PRICKLE1: variants seen among roughly 807,000 people sequenced by gnomAD.
The protein encoded by PRICKLE1 is prickle planar cell polarity protein 1, also known as prickle-like protein 1.
PRICKLE1 carries 14 observed loss-of-function variants against 70.2 expected under a neutral mutation model. The observed-to-expected ratio is 0.20, with a 90% confidence interval of 0.13 to 0.31. The LOEUF (loss-of-function observed/expected upper bound fraction) is 0.31. Ranked by LOEUF, PRICKLE1 falls within the 10% of genes least tolerant of loss-of-function variation. The pLI is 1.00. For missense variants in PRICKLE1, 821 were observed against 1,026.2 expected (o/e 0.80, Z 2.73); for synonymous variants, 357 against 379.9 (o/e 0.94, Z 0.70).
At chr12:42,529,750 G>T (rs1316831725) in intron 1 of PRICKLE1, among the ~76,000 whole-genome samples, 1 of 152,002 alleles carries the variant, frequency 6.6e-6, no homozygotes, top group Non-Finnish European at 1.5e-5. Flanking sequence ...CAAAAAATTA[G>T]CCAGGTATGG....
chr12:42,586,454 T>G (rs1159257071), intron 1 of PRICKLE1, among the ~76,000 whole-genome samples: 1 of 152,082 alleles, frequency 6.6e-6, no homozygotes, highest in Non-Finnish European at 1.5e-5. Flanking sequence ...CTTGAACTCC[T>G]GGGCTCAAGC....
intron 1 of PRICKLE1, among the ~76,000 whole-genome samples, chr12:42,480,804 T>C (rs1417372485): frequency 6.6e-6 from 1 of 152,206 alleles, no homozygotes; most frequent in Non-Finnish European, 1.5e-5. Flanking sequence ...CAATGGTGTC[T>C]GAATCCTATT....
At chr12:42,571,614 G>C (rs1045865162) in intron 1 of PRICKLE1, among the ~76,000 whole-genome samples, 3 of 152,238 alleles carry the variant, frequency 2.0e-5, no homozygotes, top group Middle Eastern at 3.2e-3. Context: ...CCTGATGGAC[G>C]GGAGCTTACG....
At chr12:42,518,832 T>G (rs1024452366) in intron 1 of PRICKLE1, among the ~76,000 whole-genome samples, 10 of 152,188 alleles carry the variant, frequency 6.6e-5, no homozygotes, top group Non-Finnish European at 1.5e-4. Flanking sequence ...AATATCCCTA[T>G]AGCCTTCTGA....
chr12:42,558,484 T>G (rs1940449746), intron 1 of PRICKLE1, among the ~76,000 whole-genome samples: 1 of 152,220 alleles, frequency 6.6e-6, no homozygotes, highest in Admixed American at 6.5e-5. Context: ...ATTCCAGATG[T>G]GAAACTGCCT....
At chr12:42,474,612 T>C (rs1938452759) in intron 1 of PRICKLE1, among the ~76,000 whole-genome samples, 1 of 152,198 alleles carries the variant, frequency 6.6e-6, no homozygotes, top group Admixed American at 6.5e-5. Context: ...TTCCTCTGAC[T>C]CCTCAATAAA....
At chr12:42,574,795 T>C (rs1440090719) in intron 1 of PRICKLE1, among the ~76,000 whole-genome samples, 1 of 152,172 alleles carries the variant, frequency 6.6e-6, no homozygotes, top group African/African-American at 2.4e-5. Flanking sequence ...GAATCATAAG[T>C]TTTGTTGTTG....
In PRICKLE1 at chr12:42,457,907, T is replaced by A. The variant is rs1413519745; in HGVS notation, c.*1902A>T. On this transcript the variant is annotated 3_prime_UTR_variant, in exon 8 of 8. Transcript: ENST00000345127. The stretch of plus-strand genomic sequence containing the variant: ...GATGAAGAATGGAAAGGAGATGCTG[T>A]CTCTGACTTTTGCCCTATTTGAATT... 6.6e-6 allele frequency: 1 copy of A among 152,164 alleles called. No individual in the cohort carries two copies. The highest frequency in any genetic ancestry group is 6.6e-5 in the Admixed American group (1 of 15,188). The allele number at this position is 152,164 out of a possible 1,614,324, so 9.4% of individuals were successfully genotyped here. A position where few individuals can be genotyped will look rare whatever the true frequency, so the allele number is the denominator to read the frequency against.
chr12:42,504,034 T>A (rs116396074), intron 1 of PRICKLE1, among the ~76,000 whole-genome samples: 26,336 of 152,048 alleles, frequency 0.17, 3,007 homozygotes, highest in African/African-American at 0.31. Flanking sequence ...AAAAATCATA[T>A]GTGGATTTTA....
chr12:42,462,664 C>T (rs879564824), intron 7 of PRICKLE1, among the ~76,000 whole-genome samples: 1 of 152,164 alleles, frequency 6.6e-6, no homozygotes, highest in Non-Finnish European at 1.5e-5. Context: ...CTTTGCCGTA[C>T]CCTTCCTTGT....
intron 1 of PRICKLE1, among the ~76,000 whole-genome samples, chr12:42,552,660 A>G (rs1940336639): frequency 6.6e-6 from 1 of 152,202 alleles, no homozygotes; most frequent in Non-Finnish European, 1.5e-5. Context: ...GGAAGTTAAG[A>G]GTTGGGCACA....
chr12:42,482,543 C>T (rs1235013410), intron 1 of PRICKLE1, among the ~76,000 whole-genome samples: 3 of 152,238 alleles, frequency 2.0e-5, no homozygotes, highest in Non-Finnish European at 4.4e-5. Flanking sequence ...CACACAGACT[C>T]AGGTTTCGCC....
In PRICKLE1 at chr12:42,464,582, A is replaced by G; in HGVS notation, c.1452T>C (p.Ala484=). 6.2e-7 allele frequency: 1 copy of G among 1,614,004 alleles called. No individual in the cohort carries two copies. The highest frequency in any genetic ancestry group is 8.5e-7 in the Non-Finnish European group (1 of 1,180,018). The change falls in exon 7 of 8, where the codon GCT becomes GCC. Residue 484 remains alanine (A), a synonymous_variant. Transcript: ENST00000345127. The surrounding 1 kb of genome is among the most constrained non-coding windows in gnomAD (Gnocchi z 4.2). ...TTGCAGGGCCTGGGTGGCTGCCATA[A>G]GCAGAATCGCCCAGTCCATCTTGTG... The part of the protein sequence containing the change: ...AQSQDGLGDS[A]YGSHPGPASS...
chr12:42,484,113 G>C (rs1214554929), intron 1 of PRICKLE1: 2 of 115,350 alleles, frequency 1.7e-5, no homozygotes, highest in Non-Finnish European at 1.8e-5. Flanking sequence ...CCCCGCTCCC[G>C]CCCGCGGGCG....
At chr12:42,532,082 T>A (rs1939928465) in intron 1 of PRICKLE1, among the ~76,000 whole-genome samples, 1 of 152,224 alleles carries the variant, frequency 6.6e-6, no homozygotes, top group Non-Finnish European at 1.5e-5. Context: ...AAACGATCGC[T>A]TGAGCCTGGG....
intron 1 of PRICKLE1, among the ~76,000 whole-genome samples, chr12:42,499,071 A>C (rs1347053328): frequency 6.6e-6 from 1 of 152,238 alleles, no homozygotes; most frequent in Non-Finnish European, 1.5e-5. Context: ...TTGAGTAAGA[A>C]CACAATAGTG....
At chr12:42,479,473 C>T (rs867186032) in intron 1 of PRICKLE1, among the ~76,000 whole-genome samples, 13 of 152,170 alleles carry the variant, frequency 8.5e-5, no homozygotes, top group African/African-American at 3.1e-4. Context: ...AGCTTGTTCC[C>T]CAAATTCAAG....
At chr12:42,574,068 G>T (rs769126164) in intron 1 of PRICKLE1, among the ~76,000 whole-genome samples, 1 of 152,258 alleles carries the variant, frequency 6.6e-6, no homozygotes, top group East Asian at 1.9e-4. Context: ...TGAGGGATGG[G>T]GTTATGGTCA....
intron 1 of PRICKLE1, among the ~76,000 whole-genome samples, chr12:42,531,924 G>A (rs903717521): frequency 1.3e-5 from 2 of 152,154 alleles, no homozygotes; most frequent in Non-Finnish European, 2.9e-5. Flanking sequence ...TTAGGAGGCC[G>A]AAGTGGGAAG....
Sources: gnomAD v4.1 joint callset for allele counts (sites outside exome capture counted in the v4.1 genomes callset) on GRCh38, gnomAD v4.1.1 for gene constraint, Gnocchi (gnomAD v3.1) non-coding constraint, MANE v1.5 for transcripts, NCBI Gene and HGNC (gene_info 2026-07-23, HGNC 2026-07-21) for gene names.